Variants in CSMD1 observed in about 807,000 individuals in gnomAD.
The protein encoded by CSMD1 is CUB and Sushi multiple domains 1, also known as CUB and sushi domain-containing protein 1.
In CSMD1, 213 loss-of-function variants were observed where a neutral mutation model predicts 417.5. The observed-to-expected ratio is 0.51, with a 90% CI of 0.46 to 0.57. The LOEUF (loss-of-function observed/expected upper bound fraction) is 0.57, where lower values mean the gene tolerates loss of function less well. Among genes scored for constraint, CSMD1 ranks in the 20% least tolerant of loss-of-function variants. CSMD1 has a pLI of 0.00. For synonymous variants in CSMD1, 2,862 were observed against 1,736.8 expected, an observed-to-expected ratio of 1.65 and a Z score of -16.11; for missense variants, 6,923 against 4,529.7, an observed-to-expected ratio of 1.53 and a Z score of -15.17.
intron 5 of CSMD1, among the ~76,000 whole-genome samples, chr8:3,922,863 T>C (rs190583710): frequency 1.3e-5 from 2 of 152,300 alleles, no homozygotes; most frequent in East Asian, 1.9e-4. Context: ...TATTGGGATA[T>C]GTGGAGGAAA....
chr8:4,743,059 C>T (rs547867706), intron 1 of CSMD1, among the ~76,000 whole-genome samples: 1 of 152,212 alleles, frequency 6.6e-6, no homozygotes, highest in East Asian at 1.9e-4. Flanking sequence ...TATTTTATTA[C>T]ATTAATTATT....
chr8:4,732,144 A>G (rs1585013945), intron 1 of CSMD1, among the ~76,000 whole-genome samples: 1 of 152,158 alleles, frequency 6.6e-6, no homozygotes, highest in African/African-American at 2.4e-5. Flanking sequence ...GGCTTCTAAT[A>G]ATGTTCCCAG....
intron 9 of CSMD1, 87 bp downstream of exon 9, chr8:3,586,049 A>C (rs561196689): frequency 1.0e-5 from 14 of 1,373,738 alleles, no homozygotes; most frequent in Non-Finnish European, 1.4e-5. Flanking sequence ...CCCATACACA[A>C]TGCTTCATGC....
chr8:3,307,642 A>AT (rs1203887684), intron 25 of CSMD1, 53 bp downstream of exon 25: 1 of 1,569,658 alleles, frequency 6.4e-7, no homozygotes, highest in East Asian at 2.3e-5. Flanking sequence ...TGCTACAAGA[A>AT]TAGAAGGCAT....
intron 9 of CSMD1, among the ~76,000 whole-genome samples, chr8:3,585,507 T>G (rs940297988): frequency 6.6e-6 from 1 of 152,230 alleles, no homozygotes; most frequent in African/African-American, 2.4e-5. Context: ...AATAATTTTC[T>G]GCTTTTCAAT....
intron 12 of CSMD1, among the ~76,000 whole-genome samples, chr8:3,414,589 A>T (rs373531453): frequency 4.6e-4 from 70 of 152,240 alleles, no homozygotes; most frequent in African/African-American, 1.7e-3. Context: ...AGTGCTAAGG[A>T]TAACCGTACC....
intron 2 of CSMD1, among the ~76,000 whole-genome samples, chr8:4,592,637 T>C (rs755581987): frequency 6.6e-6 from 1 of 152,182 alleles, no homozygotes; most frequent in Non-Finnish European, 1.5e-5. Context: ...TCCGCCTGTC[T>C]TGGCCTCCCA....
intron 3 of CSMD1, among the ~76,000 whole-genome samples, chr8:4,163,051 T>C (rs1274827999): frequency 1.3e-5 from 2 of 152,226 alleles, no homozygotes; most frequent in Non-Finnish European, 2.9e-5. Context: ...ACTCTATGTC[T>C]TTGCATGGCT....
chr8:3,333,871 A>G (rs1021824962), intron 23 of CSMD1, among the ~76,000 whole-genome samples: 1 of 152,236 alleles, frequency 6.6e-6, no homozygotes, highest in Non-Finnish European at 1.5e-5. Context: ...ATGCTTACAC[A>G]TCACAACCAA....
chr8:3,504,979 G>T (rs1200579779), intron 10 of CSMD1, among the ~76,000 whole-genome samples: 2 of 151,114 alleles, frequency 1.3e-5, no homozygotes, highest in African/African-American at 4.9e-5. Flanking sequence ...GTGCACCAGG[G>T]AAAGTAAGCA....
At chr8:4,339,835 G>A (rs1424475943) in intron 3 of CSMD1, among the ~76,000 whole-genome samples, 1 of 152,020 alleles carries the variant, frequency 6.6e-6, no homozygotes, top group East Asian at 1.9e-4. Flanking sequence ...ATCAGCCTGG[G>A]CAACAAAGTA....
intron 10 of CSMD1, among the ~76,000 whole-genome samples, chr8:3,545,470 C>T (rs908536249): frequency 3.3e-5 from 5 of 152,136 alleles, no homozygotes; most frequent in Admixed American, 1.3e-4. Flanking sequence ...ATTTTCCAGG[C>T]CTAGGTCTAC....
At chr8:4,758,128 T>C (rs4551379) in intron 1 of CSMD1, among the ~76,000 whole-genome samples, 35,774 of 152,018 alleles carry the variant, frequency 0.24, 5,387 homozygotes, top group Admixed American at 0.4. Flanking sequence ...ATTGGCAACA[T>C]TGACCAACCA....
chr8:3,783,915 G>A (rs977748255), intron 5 of CSMD1, among the ~76,000 whole-genome samples: 1 of 596 alleles, frequency 1.7e-3, no homozygotes, highest in Admixed American at 0.05. Flanking sequence ...CTGGAGCTGG[G>A]CTGCAGTTTG....
At chr8:4,427,069 G>T (rs922272477) in intron 2 of CSMD1, among the ~76,000 whole-genome samples, 5 of 152,022 alleles carry the variant, frequency 3.3e-5, no homozygotes, top group Non-Finnish European at 7.4e-5. Flanking sequence ...GAGCTTGGGA[G>T]ATCAAAGAGC....
intron 8 of CSMD1, among the ~76,000 whole-genome samples, chr8:3,606,192 G>A (rs901960756): frequency 2.0e-5 from 3 of 152,158 alleles, no homozygotes; most frequent in African/African-American, 7.2e-5. Context: ...GACAGAGATG[G>A]GCCAAGGTGC....
At chr8:4,524,978 T>A (rs1386482854) in intron 2 of CSMD1, among the ~76,000 whole-genome samples, 1 of 152,194 alleles carries the variant, frequency 6.6e-6, no homozygotes, top group Non-Finnish European at 1.5e-5. Context: ...ACTTGCCACG[T>A]ATTTTTTTTA....
intron 20 of CSMD1, among the ~76,000 whole-genome samples, chr8:3,360,710 T>C (rs527917187): frequency 6.6e-6 from 1 of 152,280 alleles, no homozygotes; most frequent in Admixed American, 6.5e-5. Flanking sequence ...ACTATGCTAA[T>C]CTTTCTAAAA....
intron 52 of CSMD1, among the ~76,000 whole-genome samples, chr8:3,002,581 T>G (rs1352284119): frequency 6.6e-6 from 1 of 152,222 alleles, no homozygotes; most frequent in Non-Finnish European, 1.5e-5. Context: ...GGGGTGCATT[T>G]TAACAGAGCT....
Sources: allele counts gnomAD v4.1 joint callset (sites outside exome capture counted in the v4.1 genomes callset), GRCh38; gene constraint gnomAD v4.1.1; transcripts MANE v1.5; gene names NCBI Gene and HGNC (gene_info 2026-07-23, HGNC 2026-07-21).